Variants in ADAMTSL1 observed in about 807,000 individuals in gnomAD.
ADAMTSL1 encodes the protein ADAMTS-like protein 1.
A neutral mutation model predicts 201.8 loss-of-function variants in ADAMTSL1; 126 were observed. That is an observed-to-expected ratio of 0.62 (90% CI 0.54 to 0.72). ADAMTSL1 has a LOEUF of 0.72. ADAMTSL1 is among the 30% of genes least tolerant of loss of function. ADAMTSL1 has a pLI of 0.00. For missense variants in ADAMTSL1, 2,679 were observed against 2,277.8 expected (o/e 1.18, Z -3.59); for synonymous variants, 1,121 against 903.4 (o/e 1.24, Z -4.32).
At chr9:18,537,712 CA>C (rs1819859017) in intron 3 of ADAMTSL1, among the ~76,000 whole-genome samples, 1 of 151,486 alleles carries the variant, frequency 6.6e-6, no homozygotes, top group African/African-American at 2.4e-5. Context: ...CTTGTTTCTA[CA>C]AAACAAAAAC....
intron 2 of ADAMTSL1, among the ~76,000 whole-genome samples, chr9:18,176,612 T>C (rs1453365210): frequency 6.6e-6 from 1 of 152,178 alleles, no homozygotes. Flanking sequence ...ATCTGTTACT[T>C]AAGTTGTTAA....
intron 1 of ADAMTSL1, among the ~76,000 whole-genome samples, chr9:17,936,920 T>A (rs1256443927): frequency 1.3e-5 from 2 of 152,132 alleles, no homozygotes; most frequent in African/African-American, 4.8e-5. Flanking sequence ...GAGGGTAGCA[T>A]GTTTGGGTTG....
intron 21 of ADAMTSL1, among the ~76,000 whole-genome samples, chr9:18,822,976 A>C (rs1824307551): frequency 6.6e-6 from 1 of 152,158 alleles, no homozygotes; most frequent in South Asian, 2.1e-4. Context: ...AAGAAAAAAA[A>C]ACTTTATAAC....
chr9:18,256,002 C>A (rs1831668810), intron 2 of ADAMTSL1, among the ~76,000 whole-genome samples: 1 of 152,250 alleles, frequency 6.6e-6, no homozygotes, highest in African/African-American at 2.4e-5. Flanking sequence ...TGGATGACTA[C>A]AACATTATCT....
At chr9:18,135,943 A>T (rs1826140525) in intron 1 of ADAMTSL1, among the ~76,000 whole-genome samples, 1 of 152,190 alleles carries the variant, frequency 6.6e-6, no homozygotes, top group Non-Finnish European at 1.5e-5. Context: ...TCTGAGAAAT[A>T]TAGACTTTCT....
chr9:18,686,301 C>T (rs141528301), intron 13 of ADAMTSL1, among the ~76,000 whole-genome samples: 1 of 152,176 alleles, frequency 6.6e-6, no homozygotes, highest in Non-Finnish European at 1.5e-5. Flanking sequence ...CTACAGCAAA[C>T]TTTTTGACTT....
At chr9:18,085,688 GTGTGTGTGTATATATATATAC>G (rs1490294878) in intron 1 of ADAMTSL1, among the ~76,000 whole-genome samples, 4 of 150,736 alleles carry the variant, frequency 2.7e-5, no homozygotes, top group African/African-American at 2.4e-5. Context: ...TATACTCTGT[GTGTGTGTGTATATATATATAC>G]TGTGTGTGTA....
At chr9:18,599,149 C>G (rs1035817112) in intron 4 of ADAMTSL1, among the ~76,000 whole-genome samples, 1 of 152,132 alleles carries the variant, frequency 6.6e-6, no homozygotes, top group Non-Finnish European at 1.5e-5. Flanking sequence ...TTTTATTGAG[C>G]CACATGATAT....
chr9:18,415,454 G>GA (rs1818632864), intron 2 of ADAMTSL1, among the ~76,000 whole-genome samples: 1 of 152,030 alleles, frequency 6.6e-6, no homozygotes, highest in South Asian at 2.1e-4. Context: ...TGTTGCGGAA[G>GA]AAAATAATAG....
intron 1 of ADAMTSL1, among the ~76,000 whole-genome samples, chr9:18,084,640 C>T (rs1406119248): frequency 2.6e-5 from 4 of 152,094 alleles, no homozygotes; most frequent in East Asian, 1.9e-4. Flanking sequence ...TCAGTTACAC[C>T]GTACAGCTCA....
At chr9:18,834,762 G>T (rs1825208625) in intron 23 of ADAMTSL1, among the ~76,000 whole-genome samples, 1 of 152,112 alleles carries the variant, frequency 6.6e-6, no homozygotes, top group Admixed American at 6.5e-5. Context: ...CTTTCACTCA[G>T]AATAATTACT....
At chr9:18,152,015 C>T (rs959539001) in intron 1 of ADAMTSL1, among the ~76,000 whole-genome samples, 1 of 152,038 alleles carries the variant, frequency 6.6e-6, no homozygotes, top group African/African-American at 2.4e-5. Context: ...TATATATTAC[C>T]AAACTCTGTA....
chr9:18,316,833 G>A (rs139137281), intron 2 of ADAMTSL1, among the ~76,000 whole-genome samples: 3,071 of 152,136 alleles, frequency 0.02, 86 homozygotes, highest in African/African-American at 0.069. Flanking sequence ...TACAATCCAC[G>A]TTCTTCTGCC....
rs550158004 is a variant in ADAMTSL1, at chr9:18,887,861, A to C, written c.4280A>C (p.Asn1427Thr). Residue 1427 changes from asparagine (N) to threonine (T), a missense_variant, in exon 24 of 29, where the codon AAT (asparagine) becomes ACT (threonine). Transcript: ENST00000380548. ...CCCATCAAAGGTCACCCTGTCCCTA[A>C]TATCACCTGGTTTCATGGTGGTCAG... is the stretch of plus-strand genomic sequence containing the variant. ...GCPIKGHPVP[N>T]ITWFHGGQPI... The C allele has an allele frequency of 1.2e-6, 2 of 1,613,870 alleles. No individual in the cohort carries two copies. The highest frequency in any genetic ancestry group is 1.7e-6 in the Non-Finnish European group (2 of 1,179,866).
intron 2 of ADAMTSL1, among the ~76,000 whole-genome samples, chr9:18,422,512 T>A (rs1819003324): frequency 6.6e-6 from 1 of 152,188 alleles, no homozygotes; most frequent in South Asian, 2.1e-4. Flanking sequence ...CCCGCTTTCC[T>A]GAGCCTCGTT....
intron 2 of ADAMTSL1, among the ~76,000 whole-genome samples, chr9:18,364,045 A>C (rs1836649294): frequency 6.6e-6 from 1 of 152,236 alleles, no homozygotes; most frequent in Non-Finnish European, 1.5e-5. Flanking sequence ...TGGAAATTAA[A>C]AGAAATTCCT....
intron 1 of ADAMTSL1, among the ~76,000 whole-genome samples, chr9:17,946,925 T>A (rs540018929): frequency 7.2e-4 from 109 of 152,210 alleles, no homozygotes; most frequent in African/African-American, 2.5e-3. Flanking sequence ...ATTCAGTGGA[T>A]TTGTGTACAA....
chr9:17,966,355 A>G (rs1817977518), intron 1 of ADAMTSL1, among the ~76,000 whole-genome samples: 1 of 152,156 alleles, frequency 6.6e-6, no homozygotes, highest in Non-Finnish European at 1.5e-5. Flanking sequence ...CACAGAAATC[A>G]AATATATGAC....
At chr9:18,824,326 G>T (rs1213819236) in intron 21 of ADAMTSL1, among the ~76,000 whole-genome samples, 1 of 152,052 alleles carries the variant, frequency 6.6e-6, no homozygotes, top group Non-Finnish European at 1.5e-5. Context: ...TTTTCTCCAG[G>T]TATCTTTAGA....
Sources: allele counts gnomAD v4.1 joint callset (sites outside exome capture counted in the v4.1 genomes callset), GRCh38; gene constraint gnomAD v4.1.1; transcripts MANE v1.5; gene names NCBI Gene and HGNC (gene_info 2026-07-23, HGNC 2026-07-21).